The following XIRP2 variants were observed in gnomAD, a reference collection of about 807,000 sequenced individuals.
The protein encoded by XIRP2 is xin actin binding repeat containing 2, also known as xin actin-binding repeat-containing protein 2.
In XIRP2, 236 loss-of-function variants were observed where a neutral mutation model predicts 277.0. The observed-to-expected ratio is 0.85, with a 90% CI of 0.77 to 0.95. XIRP2 has a LOEUF of 0.95. Among genes scored for constraint, XIRP2 ranks in the 40% least tolerant of loss-of-function variants. The pLI is 0.00. For missense variants in XIRP2, 4,640 were observed against 4,157.5 expected, an observed-to-expected ratio of 1.12 and a Z score of -3.19; for synonymous variants, 1,490 against 1,416.5, an observed-to-expected ratio of 1.05 and a Z score of -1.17.
rs1174721660 is a variant in XIRP2 at position 167,136,013 on chromosome 2, A to G, written c.513A>G (p.Thr171=). ...VKDSDKKGKE[T]SFDKMSPESG... ...ATTCAGACAAGAAAGGCAAGGAAAC[A>G]TCTTTTGACAAGATGTCACCTGAAA... Residue 171 remains threonine (T), a synonymous_variant, in exon 3 of 11, where the codon ACA becomes ACG. Transcript: ENST00000409195. 2 of 1,611,572 alleles carry G rather than the reference A, an allele frequency of 1.2e-6. No individual in the cohort carries two copies. The highest frequency in any genetic ancestry group is 1.3e-5 in the African/African-American group (1 of 74,968).
chr2:167,218,498 C>T (rs1030442441), intron 5 of XIRP2, among the ~76,000 whole-genome samples, 198 bp downstream of exon 5: 2 of 152,018 alleles, frequency 1.3e-5, no homozygotes, highest in African/African-American at 4.8e-5. Context: ...GCATTTTTGC[C>T]AAATTTCTAG....
intron 2 of XIRP2, among the ~76,000 whole-genome samples, chr2:167,053,977 A>G (rs1408866413): frequency 1.3e-5 from 2 of 152,198 alleles, no homozygotes; most frequent in Non-Finnish European, 2.9e-5. Flanking sequence ...ATTATGGTTC[A>G]AGAATTGTGT....
chr2:167,156,062 G>A (rs560802870), intron 3 of XIRP2, among the ~76,000 whole-genome samples: 35 of 151,150 alleles, frequency 2.3e-4, no homozygotes, highest in Middle Eastern at 3.4e-3. Context: ...ACCTCTTCAA[G>A]GAGAACTACA....
At chr2:167,022,619 G>T (rs980361794) in intron 2 of XIRP2, among the ~76,000 whole-genome samples, 3 of 151,390 alleles carry the variant, frequency 2.0e-5, no homozygotes, top group Non-Finnish European at 2.9e-5. Flanking sequence ...CCCACAACAG[G>T]CCCCAGAGTG....
chr2:167,223,922 C>T (rs1443234483), intron 5 of XIRP2, among the ~76,000 whole-genome samples: 1 of 152,118 alleles, frequency 6.6e-6, no homozygotes, highest in Non-Finnish European at 1.5e-5. Context: ...CTGAGTTACC[C>T]ATCTATTTTA....
intron 2 of XIRP2, among the ~76,000 whole-genome samples, chr2:167,090,459 T>A (rs1194284817): frequency 6.6e-6 from 1 of 152,178 alleles, no homozygotes; most frequent in African/African-American, 2.4e-5. Flanking sequence ...TTTATCTGTG[T>A]CTGATGGTAA....
At chr2:167,023,809 A>G (rs376244856) in intron 2 of XIRP2, among the ~76,000 whole-genome samples, 2 of 151,914 alleles carry the variant, frequency 1.3e-5, no homozygotes, top group East Asian at 1.9e-4. Flanking sequence ...TGTTCCATTG[A>G]TCTATATCTC....
chr2:167,196,312 C>T (rs780065193), intron 3 of XIRP2, among the ~76,000 whole-genome samples: 39 of 151,664 alleles, frequency 2.6e-4, no homozygotes, highest in Admixed American at 3.9e-4. Flanking sequence ...AGGTGTAATA[C>T]GGATGAAGCT....
At chr2:167,119,868 A>C (rs1691003259) in intron 2 of XIRP2, among the ~76,000 whole-genome samples, 1 of 152,132 alleles carries the variant, frequency 6.6e-6, no homozygotes, top group Non-Finnish European at 1.5e-5. Flanking sequence ...ATGCATGCAA[A>C]GTGCTGATCT....
At chr2:166,903,182 G>A (rs1337625246) in intron 1 of XIRP2, among the ~76,000 whole-genome samples, 1 of 152,184 alleles carries the variant, frequency 6.6e-6, no homozygotes, top group Non-Finnish European at 1.5e-5. Flanking sequence ...TCGATAAAAG[G>A]AAAATGGAAG....
At chr2:166,915,453 A>C (rs927718513) in intron 2 of XIRP2, among the ~76,000 whole-genome samples, 10 of 152,212 alleles carry the variant, frequency 6.6e-5, no homozygotes, top group Non-Finnish European at 1.3e-4. Context: ...AATAAAATGA[A>C]CTTAACTCTG....
At chr2:167,067,002 A>G (rs1689317790) in intron 2 of XIRP2, among the ~76,000 whole-genome samples, 1 of 151,950 alleles carries the variant, frequency 6.6e-6, no homozygotes, top group African/African-American at 2.4e-5. Flanking sequence ...TTTGATTAAG[A>G]TATACTTTGG....
intron 3 of XIRP2, among the ~76,000 whole-genome samples, chr2:167,153,404 T>C (rs1032746532): frequency 6.6e-6 from 1 of 152,084 alleles, no homozygotes; most frequent in Non-Finnish European, 1.5e-5. Context: ...TTTTTTTTAT[T>C]TTTTTATTTT....
intron 1 of XIRP2, among the ~76,000 whole-genome samples, chr2:166,900,290 G>A (rs1486152349): frequency 6.6e-6 from 1 of 151,834 alleles, no homozygotes; most frequent in Non-Finnish European, 1.5e-5. Flanking sequence ...GTTTTTAAAT[G>A]TTCGTTATTT....
At chr2:167,014,167 C>T (rs1248491272) in intron 2 of XIRP2, among the ~76,000 whole-genome samples, 1 of 151,320 alleles carries the variant, frequency 6.6e-6, no homozygotes, top group Non-Finnish European at 1.5e-5. Context: ...GTCAGACTTC[C>T]CATCTAAGGA....
At chr2:167,141,767 A>G (rs1229004530) in intron 3 of XIRP2, among the ~76,000 whole-genome samples, 1 of 152,130 alleles carries the variant, frequency 6.6e-6, no homozygotes, top group East Asian at 1.9e-4. Flanking sequence ...AGGCTGAGGC[A>G]GGAGGATCCC....
chr2:167,005,907 A>G (rs1327972024), intron 2 of XIRP2, among the ~76,000 whole-genome samples: 1 of 151,804 alleles, frequency 6.6e-6, no homozygotes, highest in Non-Finnish European at 1.5e-5. Flanking sequence ...GAATCAGAGT[A>G]TGCATGAGGA....
intron 1 of XIRP2, among the ~76,000 whole-genome samples, chr2:166,896,010 C>T (rs1344402049): frequency 6.6e-6 from 1 of 152,128 alleles, no homozygotes; most frequent in East Asian, 1.9e-4. Flanking sequence ...TAATGGAAGA[C>T]TGCATCTGTG....
At chr2:167,043,691 C>T (rs1169002542) in intron 2 of XIRP2, among the ~76,000 whole-genome samples, 1 of 151,872 alleles carries the variant, frequency 6.6e-6, no homozygotes, top group African/African-American at 2.4e-5. Flanking sequence ...GAAACTGAAT[C>T]GTTAATGAAA....
Sources: gnomAD v4.1 joint callset for allele counts (sites outside exome capture counted in the v4.1 genomes callset) on GRCh38, gnomAD v4.1.1 for gene constraint, MANE v1.5 for transcripts, NCBI Gene and HGNC (gene_info 2026-07-23, HGNC 2026-07-21) for gene names.